The following PCSK2 variants were observed in gnomAD, a reference collection of about 807,000 sequenced individuals.
PCSK2 encodes proprotein convertase subtilisin/kexin type 2, also known as neuroendocrine convertase 2.
A neutral mutation model predicts 69.7 loss-of-function variants in PCSK2; 14 were observed. That is an observed-to-expected ratio of 0.20 (90% CI 0.13 to 0.31). PCSK2 has a LOEUF of 0.31. Among genes scored for constraint, PCSK2 ranks in the 10% least tolerant of loss-of-function variants. The pLI, the probability that PCSK2 is intolerant of heterozygous loss-of-function variation, is 1.00. For synonymous variants in PCSK2, 307 were observed against 320.7 expected (o/e 0.96, Z 0.46); for missense variants, 544 against 842.5 (o/e 0.65, Z 4.39).
intron 2 of PCSK2, among the ~76,000 whole-genome samples, chr20:17,350,545 G>A (rs192386050): frequency 1.3e-5 from 2 of 152,064 alleles, no homozygotes; most frequent in East Asian, 3.9e-4. Flanking sequence ...GGTCCTCAGA[G>A]AGTTATATGC....
At chr20:17,443,290 A>G (rs1028361508) in intron 8 of PCSK2, among the ~76,000 whole-genome samples, 13 of 152,206 alleles carry the variant, frequency 8.5e-5, no homozygotes, top group African/African-American at 3.1e-4. Flanking sequence ...GGAGCCTGAC[A>G]TTTGAGTGAC....
At chr20:17,240,781 A>G (rs1203981645) in intron 1 of PCSK2, among the ~76,000 whole-genome samples, 1 of 152,152 alleles carries the variant, frequency 6.6e-6, no homozygotes, top group African/African-American at 2.4e-5. Flanking sequence ...CCCATTGTGG[A>G]CTGTTAGCCC....
At chr20:17,329,610 G>T (rs1048314354) in intron 2 of PCSK2, among the ~76,000 whole-genome samples, 1 of 152,106 alleles carries the variant, frequency 6.6e-6, no homozygotes, top group Non-Finnish European at 1.5e-5. Flanking sequence ...TAAAAACTTC[G>T]CTCTCTCAGC....
At chr20:17,460,975 C>T (rs1226344847) in intron 10 of PCSK2, among the ~76,000 whole-genome samples, 5 of 152,038 alleles carry the variant, frequency 3.3e-5, no homozygotes, top group Non-Finnish European at 7.4e-5. Flanking sequence ...GTTAAAGTAA[C>T]TTATCCGAGT....
chr20:17,312,684 G>A (rs1163752555), intron 2 of PCSK2, among the ~76,000 whole-genome samples: 1 of 151,962 alleles, frequency 6.6e-6, no homozygotes, highest in Non-Finnish European at 1.5e-5. Flanking sequence ...TTGTTATTCT[G>A]ATAACATTCT....
intron 2 of PCSK2, among the ~76,000 whole-genome samples, chr20:17,306,352 C>G (rs1353738702): frequency 6.6e-6 from 1 of 152,084 alleles, no homozygotes; most frequent in African/African-American, 2.4e-5. Flanking sequence ...ATAAGCCCTT[C>G]GGTGACTGAA....
intron 5 of PCSK2, among the ~76,000 whole-genome samples, chr20:17,396,264 A>G (rs1238376396): frequency 2.0e-5 from 3 of 152,190 alleles, no homozygotes; most frequent in Non-Finnish European, 2.9e-5. Context: ...GTGGAACTCC[A>G]AGAATCAGGC....
chr20:17,439,798 G>A (rs2032559539), intron 8 of PCSK2, among the ~76,000 whole-genome samples: 1 of 152,142 alleles, frequency 6.6e-6, no homozygotes, highest in South Asian at 2.1e-4. Context: ...GCCAACTTTG[G>A]TACACAGGCT....
intron 2 of PCSK2, among the ~76,000 whole-genome samples, chr20:17,343,678 C>A (rs1990571399): frequency 6.6e-6 from 1 of 152,194 alleles, no homozygotes; most frequent in African/African-American, 2.4e-5. Context: ...CCTGAATTAT[C>A]TGAATGGCCC....
chr20:17,237,200 G>A (rs79371967), intron 1 of PCSK2, among the ~76,000 whole-genome samples: 1 of 152,180 alleles, frequency 6.6e-6, no homozygotes, highest in Admixed American at 6.5e-5. Flanking sequence ...GCTATGGTTG[G>A]TGAGTGGGAT....
At chr20:17,269,116 A>G (rs1441315573) in intron 2 of PCSK2, among the ~76,000 whole-genome samples, 1 of 152,164 alleles carries the variant, frequency 6.6e-6, no homozygotes, top group Non-Finnish European at 1.5e-5. Context: ...AACATTTGAG[A>G]TTTGTATTAA....
At chr20:17,435,910 T>G (rs2032475646) in intron 7 of PCSK2, among the ~76,000 whole-genome samples, 1 of 152,140 alleles carries the variant, frequency 6.6e-6, no homozygotes, top group Non-Finnish European at 1.5e-5. Flanking sequence ...ACCGGAGGCC[T>G]AGGAGCACCA....
At chr20:17,257,999 C>G (rs1412290182) in intron 1 of PCSK2, among the ~76,000 whole-genome samples, 1 of 152,166 alleles carries the variant, frequency 6.6e-6, no homozygotes, top group Admixed American at 6.5e-5. Context: ...GACAAATTCC[C>G]TGGGGAGTAG....
At chr20:17,447,580 T>A (rs1484845683) in intron 8 of PCSK2, among the ~76,000 whole-genome samples, 1 of 149,518 alleles carries the variant, frequency 6.7e-6, no homozygotes, top group Admixed American at 6.7e-5. Context: ...AACAATAATA[T>A]GGCAGATGGA....
chr20:17,267,696 C>T (rs1987676841), intron 2 of PCSK2, among the ~76,000 whole-genome samples: 1 of 152,060 alleles, frequency 6.6e-6, no homozygotes, highest in Non-Finnish European at 1.5e-5. Context: ...ATGATGGGTA[C>T]TGTTCGTGCT....
At chr20:17,340,673 A>G (rs1208020837) in intron 2 of PCSK2, among the ~76,000 whole-genome samples, 1 of 152,220 alleles carries the variant, frequency 6.6e-6, no homozygotes, top group East Asian at 1.9e-4. Flanking sequence ...TAATACACCA[A>G]GGAATTTCTT....
In PCSK2 at chr20:17,240,007, C is replaced by T. The variant is rs1426488307; in HGVS notation, c.177+12525C>T. Among the ~76,000 whole-genome samples, 3 of 151,762 alleles carry T rather than the reference C, an allele frequency of 2.0e-5. No homozygotes were observed. In the East Asian group the frequency reaches 5.8e-4, roughly 29 times the overall value. On this transcript the variant is annotated intron_variant, in intron 1 of 11. Coordinates refer to ENST00000262545, the MANE Select transcript of PCSK2 (RefSeq NM_002594.5). ...TAGCTGGGAGTACAGGCGCACACCACCATACCCAGCTAAATTTTGTATTTT... is the reference window on the plus strand; with the variant it reads ...TAGCTGGGAGTACAGGCGCACACCATCATACCCAGCTAAATTTTGTATTTT...
chr20:17,251,335 G>T (rs558884028), intron 1 of PCSK2, among the ~76,000 whole-genome samples: 1 of 152,212 alleles, frequency 6.6e-6, no homozygotes, highest in East Asian at 1.9e-4. Flanking sequence ...ATTGAGCCTG[G>T]AATTATCACA....
At chr20:17,362,057 A>G (rs573402128) in intron 4 of PCSK2, among the ~76,000 whole-genome samples, 43 of 152,350 alleles carry the variant, frequency 2.8e-4, no homozygotes, top group African/African-American at 9.4e-4. Context: ...AAGTGGCACT[A>G]AAGTGCCAAC....
Sources: gnomAD v4.1 joint callset for allele counts (sites outside exome capture counted in the v4.1 genomes callset) on GRCh38, gnomAD v4.1.1 for gene constraint, MANE v1.5 for transcripts, NCBI Gene and HGNC (gene_info 2026-07-23, HGNC 2026-07-21) for gene names.